The following FBRSL1 variants were observed in gnomAD, a reference collection of about 807,000 sequenced individuals.
FBRSL1 encodes the protein fibrosin like 1, also known as fibrosin-1-like protein.
A neutral mutation model predicts 89.6 loss-of-function variants in FBRSL1; 51 were observed. The ratio of observed to expected loss-of-function variants is 0.57; its 90% confidence interval spans 0.45 to 0.72. The LOEUF is 0.72. Among genes scored for constraint, FBRSL1 ranks in the 30% least tolerant of loss-of-function variants. The pLI is 0.00. For missense variants in FBRSL1, 1,618 were observed against 1,451.8 expected (o/e 1.11, Z -1.86); for synonymous variants, 779 against 681.1 (o/e 1.14, Z -2.24).
chr12:132,560,880 C>T (rs1454791299), intron 5 of FBRSL1, among the ~76,000 whole-genome samples: 1 of 152,226 alleles, frequency 6.6e-6, no homozygotes, highest in African/African-American at 2.4e-5. Flanking sequence ...CAGACCATGG[C>T]CGAGAAGTTA....
intron 1 of FBRSL1, chr12:132,507,218 G>C: frequency 1.0e-6 from 1 of 985,550 alleles, no homozygotes; most frequent in African/African-American, 1.7e-5. Flanking sequence ...CATGGGTTCT[G>C]TCCTGGGCTT....
Position 132,583,375 on chromosome 12 carries a change from C to A in FBRSL1, c.2606C>A (p.Ala869Asp). The A allele has an allele frequency of 9.1e-7, 1 of 1,100,004 alleles. No individual in the cohort carries two copies. The highest frequency in any genetic ancestry group is 3.0e-5 in the South Asian group (1 of 33,544). 68.1% of individuals were successfully genotyped at this position (1,100,004 alleles called of 1,614,324 possible). ...CCACGTCGCGCCTTCCCCGCTGCCG[C>A]CCCCGCCCCGGGCTCCGCCGCCCTC... ...ELPRRAFPAA[A>D]PAPGSAALLE... is the part of the protein sequence containing the mutation. Residue 869 changes from alanine (A) to aspartate (D), a missense_variant, in exon 19 of 19, where the codon GCC (alanine) becomes GAC (aspartate). Coordinates refer to ENST00000680143, the MANE Select transcript of FBRSL1 (RefSeq NM_001367871.1).
chr12:132,494,057 A>T (rs1378807296), intron 1 of FBRSL1, among the ~76,000 whole-genome samples: 1 of 152,162 alleles, frequency 6.6e-6, no homozygotes, highest in Non-Finnish European at 1.5e-5. Flanking sequence ...GACCTGAGCC[A>T]GCCCCCGCTT....
At chr12:132,563,766 G>C (rs4992762) in intron 5 of FBRSL1, among the ~76,000 whole-genome samples, 1 of 47,192 alleles carries the variant, frequency 2.1e-5, no homozygotes, top group African/African-American at 1.3e-4. Context: ...GCACCCCTCC[G>C]GCTGACACAT....
chr12:132,534,569 C>T (rs892862875), intron 4 of FBRSL1, among the ~76,000 whole-genome samples: 1 of 152,260 alleles, frequency 6.6e-6, no homozygotes, highest in African/African-American at 2.4e-5. Flanking sequence ...GCTCACTTCC[C>T]GCAGCGGGCA....
chr12:132,513,266 C>G (rs547099430), intron 2 of FBRSL1, among the ~76,000 whole-genome samples: 1 of 152,334 alleles, frequency 6.6e-6, no homozygotes, highest in East Asian at 1.9e-4. Flanking sequence ...AGATTGGAGC[C>G]TGAGGCCTGG....
intron 5 of FBRSL1, among the ~76,000 whole-genome samples, chr12:132,562,722 C>T (rs1566207495): frequency 6.6e-6 from 1 of 152,140 alleles, no homozygotes; most frequent in East Asian, 1.9e-4. Flanking sequence ...TCCTCCAGTG[C>T]AGGGGCCCTT....
At chr12:132,509,397 C>G in intron 2 of FBRSL1, 1 of 1,242,492 alleles carries the variant, frequency 8.0e-7, no homozygotes, top group Non-Finnish European at 1.0e-6. Flanking sequence ...GCCCTGCCAG[C>G]CCCGGCGGTC....
In FBRSL1 at chr12:132,581,514, C is replaced by G. The variant is rs780486829; in HGVS notation, c.1910C>G (p.Thr637Arg). 3 of 1,550,846 alleles carry G rather than the reference C, an allele frequency of 1.9e-6. No homozygotes were observed. The highest frequency in any genetic ancestry group is 2.6e-6 in the Non-Finnish European group (3 of 1,146,892). ...PGSFLPTGPLTDPFSRPSTFG... is the reference protein window; with the variant it reads ...PGSFLPTGPLRDPFSRPSTFG... ...AGCTTCCTGCCCACTGGCCCCCTGA[C>G]AGGTGGGTGTCTCTGAATTCAGCCC... Residue 637 changes from threonine to arginine, a missense_variant and splice_region_variant, in exon 16 of 19, where the codon ACA becomes AGA. Transcript: ENST00000680143.
At chr12:132,536,740 G>A (rs1350705415) in intron 4 of FBRSL1, among the ~76,000 whole-genome samples, 2 of 151,900 alleles carry the variant, frequency 1.3e-5, no homozygotes, top group Admixed American at 6.6e-5. Context: ...GTACATGAAG[G>A]TGTGTGTGCC....
At position 132,581,939 on chromosome 12, in the gene FBRSL1, T is replaced by C; in HGVS notation, c.1996+115T>C. ...ACCTCCCTCCTCTCTGGGCTGGGCC[T>C]CCTTGGGGCACCCCCTTCTCAGTGT... On this transcript the variant is annotated intron_variant, in intron 17 of 18. Coordinates refer to ENST00000680143, the MANE Select transcript of FBRSL1 (RefSeq NM_001367871.1). The C allele has an allele frequency of 3.1e-6, 4 of 1,288,240 alleles. No individual in the cohort carries two copies. In the South Asian group the frequency reaches 4.4e-5, roughly 14 times the overall value. 79.8% of individuals were successfully genotyped at this position (1,288,240 alleles called of 1,614,324 possible). A position where few individuals can be genotyped will look rare whatever the true frequency, so the allele number is the denominator to read the frequency against.
rs138910079 is a variant in FBRSL1, at chr12:132,523,424, C to T, written c.490-2310C>T. On this transcript the variant is annotated intron_variant, in intron 2 of 18. Transcript: ENST00000680143. ...GGCCTCCGGGTTTGGGAGGAGCACA[C>T]GCAGGGCAGCCCACCGAGCCCCTCT... Among the ~76,000 whole-genome samples, 18 of 152,068 alleles carry T rather than the reference C, an allele frequency of 1.2e-4. No homozygotes were observed. The East Asian group carries it at 1.5e-3, about 13-fold the overall frequency.
chr12:132,573,678 G>T (rs909597545), intron 11 of FBRSL1, among the ~76,000 whole-genome samples: 3 of 152,124 alleles, frequency 2.0e-5, no homozygotes, highest in Non-Finnish European at 4.4e-5. Context: ...GGGGGCTGTG[G>T]TGTGATGGCC....
At chr12:132,567,426 T>C in intron 5 of FBRSL1, 55 bp from the exon 6 acceptor site, 1 of 1,531,154 alleles carries the variant, frequency 6.5e-7, no homozygotes, top group African/African-American at 1.4e-5. Flanking sequence ...GGGCGCAAGG[T>C]CCACGAGGAT....
At chr12:132,520,452 C>T (rs1049910151) in intron 2 of FBRSL1, among the ~76,000 whole-genome samples, 1 of 152,172 alleles carries the variant, frequency 6.6e-6, no homozygotes, top group Non-Finnish European at 1.5e-5. Flanking sequence ...CTTAGGAGTA[C>T]AAGTTCTGGA....
chr12:132,522,853 T>TC (rs1284076366), intron 2 of FBRSL1, among the ~76,000 whole-genome samples: 2 of 152,016 alleles, frequency 1.3e-5, no homozygotes, highest in Non-Finnish European at 2.9e-5. Context: ...GCGCTGCCTT[T>TC]CCCCCCGCAC....
In FBRSL1 at chr12:132,582,159, C is replaced by T. The variant is rs1407513058; in HGVS notation, c.2094C>T (p.Pro698=). Residue 698 remains proline, a synonymous_variant, in exon 18 of 19, where the codon CCC becomes CCT. Coordinates refer to ENST00000680143, the MANE Select transcript of FBRSL1 (RefSeq NM_001367871.1). The part of the protein sequence containing the change: ...EAWNRLHRAP[P]SFPAPPPWPK... ...GGAACCGACTGCACCGGGCACCGCCCTCCTTCCCGGCTCCGCCCCCGTGGC... is the reference window on the plus strand; with the variant it reads ...GGAACCGACTGCACCGGGCACCGCCTTCCTTCCCGGCTCCGCCCCCGTGGC... 1 of 1,550,084 alleles carries T rather than the reference C, an allele frequency of 6.5e-7. No individual in the cohort carries two copies. The highest frequency in any genetic ancestry group is 2.0e-5 in the Admixed American group (1 of 50,996).
intron 2 of FBRSL1, among the ~76,000 whole-genome samples, chr12:132,520,730 C>G (rs1221358878): frequency 1.3e-5 from 2 of 152,194 alleles, no homozygotes; most frequent in South Asian, 2.1e-4. Context: ...GGGCTCTGCT[C>G]TTGCTGAATG....
At chr12:132,573,995 G>C (rs2040217323) in intron 11 of FBRSL1, 95 bp from the exon 12 acceptor site, 1 of 849,336 alleles carries the variant, frequency 1.2e-6, no homozygotes, top group Admixed American at 4.7e-5. Context: ...GCAAGGCAAA[G>C]CAGGGCACAG....
Sources: allele counts gnomAD v4.1 joint callset (sites outside exome capture counted in the v4.1 genomes callset), GRCh38; gene constraint gnomAD v4.1.1; transcripts MANE v1.5; gene names NCBI Gene and HGNC (gene_info 2026-07-23, HGNC 2026-07-21).